Variants in ZNF747 observed in about 807,000 individuals in gnomAD.
ZNF747 encodes KRAB domain-containing protein ZNF747.
In ZNF747, 14 loss-of-function variants were observed where a neutral mutation model predicts 13.4. That is an observed-to-expected ratio of 1.04 (90% CI 0.69 to 1.63). The LOEUF is 1.63. ZNF747 is among the 40% of genes most tolerant of loss of function. The pLI is 0.00. For missense variants in ZNF747, 532 were observed against 477.9 expected (o/e 1.11, Z -1.05); for synonymous variants, 212 against 206.5 (o/e 1.03, Z -0.23).
intron 2 of ZNF747, among the ~76,000 whole-genome samples, chr16:30,533,710 G>A (rs1567503158): frequency 1.3e-5 from 2 of 149,892 alleles, no homozygotes; most frequent in East Asian, 1.9e-4. Flanking sequence ...ACCAGCTCGG[G>A]CAACACACCA....
Position 30,531,605 on chromosome 16 carries a change from T to A in ZNF747, c.*894A>T, listed in dbSNP as rs1361637675. 1.3e-5 allele frequency: 2 copies of A among 151,900 alleles called. No individual in the cohort carries two copies. The highest frequency in any genetic ancestry group is 1.3e-4 in the Admixed American group (2 of 15,226). The allele number at this position is 151,900 out of a possible 1,614,324, so 9.4% of individuals were successfully genotyped here. A position where few individuals can be genotyped will look rare whatever the true frequency, so the allele number is the denominator to read the frequency against. ...GAGTTTGAGACCAGCCTGATCAACA[T>A]AGTGGGAACCCCATCTCTGCAAAAA... On this transcript the variant is annotated 3_prime_UTR_variant, in exon 3 of 3. Transcript: ENST00000693075.
rs2151219823 is a variant in ZNF747 at position 30,534,569 on chromosome 16, C to T, written c.111G>A (p.Val37=). Residue 37 remains valine (V), a synonymous_variant, in exon 1 of 3, where the codon GTG becomes GTA. Transcript: ENST00000693075. ...AGSEWRKPGA[V]SFADVAVYFS... Reference sequence around the variant, plus strand: ...AGTACACGGCCACGTCGGCGAAGCTCACGGCCCCGGGCTTTCTCCACTCGG... The same window carrying T: ...AGTACACGGCCACGTCGGCGAAGCTTACGGCCCCGGGCTTTCTCCACTCGG... The T allele has an allele frequency of 1.9e-6, 3 of 1,605,450 alleles. No homozygotes were observed. Among genetic ancestry groups the T allele is most frequent in the African/African-American group, 1.3e-5 (1 of 74,902 alleles).
rs1464131506 is a variant in ZNF747, at chr16:30,532,247, C to A, written c.*252G>T. ...TCTCTGGGAGGAGAAACAGCTTTTG[C>A]TTCCCTGTATGGAGGTCTGGGGGGT... is the stretch of plus-strand genomic sequence containing the variant. On this transcript the variant is annotated 3_prime_UTR_variant, in exon 3 of 3. Coordinates refer to ENST00000693075, the MANE Select transcript of ZNF747 (RefSeq NM_001305018.2). 1 of 578,476 alleles carries A rather than the reference C, an allele frequency of 1.7e-6. No homozygotes were observed. Among genetic ancestry groups the A allele is most frequent in the African/African-American group, 1.9e-5 (1 of 53,536 alleles). The allele number at this position is 578,476 out of a possible 1,614,324, so 35.8% of individuals were successfully genotyped here.
Position 30,534,727 on chromosome 16 carries a change from A to C in ZNF747, c.-48T>G. ...TGCGGAACCTCCCGCGCCCGAGAAC[A>C]CTTCCCCGGCCCGGTACCAAGGGAA... is the stretch of plus-strand genomic sequence containing the variant. On this transcript the variant is annotated 5_prime_UTR_variant, in exon 1 of 3. Coordinates refer to ENST00000693075, the MANE Select transcript of ZNF747 (RefSeq NM_001305018.2). 2.7e-6 allele frequency: 4 copies of C among 1,472,028 alleles called. No individual in the cohort carries two copies. The highest frequency in any genetic ancestry group is 3.6e-6 in the Non-Finnish European group (4 of 1,114,002). The allele number at this position is 1,472,028 out of a possible 1,614,324, so 91.2% of individuals were successfully genotyped here.
chr16:30,530,668 A>C lies in ZNF747; in HGVS notation c.*1831T>G, dbSNP rs2051362296. On this transcript the variant is annotated 3_prime_UTR_variant, in exon 3 of 3. Transcript: ENST00000693075. The surrounding 1 kb of genome is among the most constrained non-coding windows in gnomAD (Gnocchi z 4.4). Reference sequence around the variant, plus strand: ...ATTGGATTGGAGATGAGGTTCGAATAAAGTCAGTTCATTACTTGACACCCG... The same window carrying C: ...ATTGGATTGGAGATGAGGTTCGAATCAAGTCAGTTCATTACTTGACACCCG... 1 of 152,264 alleles carries C rather than the reference A, an allele frequency of 6.6e-6. No individual in the cohort carries two copies. The highest frequency in any genetic ancestry group is 1.5e-5 in the Non-Finnish European group (1 of 68,052). The allele number at this position is 152,264 out of a possible 1,614,324, so 9.4% of individuals were successfully genotyped here.
chr16:30,534,590 C>T lies in ZNF747; in HGVS notation c.90G>A (p.Glu30=). 1.2e-6 allele frequency: 2 copies of T among 1,602,024 alleles called. No individual in the cohort carries two copies. The highest frequency in any genetic ancestry group is 1.7e-6 in the Non-Finnish European group (2 of 1,175,924). The change falls in exon 1 of 3, where the codon GAG becomes GAA. Residue 30 remains glutamate, a synonymous_variant. Coordinates refer to ENST00000693075, the MANE Select transcript of ZNF747 (RefSeq NM_001305018.2). ...AGCTCACGGCCCCGGGCTTTCTCCA[C>T]TCGGATCCCGCCCCGTTTGGGTCCC... ...PPRDPNGAGS[E]WRKPGAVSFA...
chr16:30,532,334 G>A lies in ZNF747; in HGVS notation c.*165C>T, dbSNP rs2051386490. 1 of 779,874 alleles carries A rather than the reference G, an allele frequency of 1.3e-6. No individual in the cohort carries two copies. The highest frequency in any genetic ancestry group is 2.0e-6 in the Non-Finnish European group (1 of 491,332). The allele number at this position is 779,874 out of a possible 1,614,324, so 48.3% of individuals were successfully genotyped here. On this transcript the variant is annotated 3_prime_UTR_variant, in exon 3 of 3. Coordinates refer to ENST00000693075, the MANE Select transcript of ZNF747 (RefSeq NM_001305018.2). ...GAGAGCCCAGGGCAGCGGGGAGCAA[G>A]GTGCTGGCAGAAGAGGCTGCTGAGA...
At position 30,534,454 on chromosome 16, in the gene ZNF747, G is replaced by C. The variant is rs775703336; in HGVS notation, c.226C>G (p.Leu76Val). 2 of 1,588,170 alleles carry C rather than the reference G, an allele frequency of 1.3e-6. No homozygotes were observed. Among genetic ancestry groups the C allele is most frequent in the South Asian group, 2.3e-5 (2 of 87,900 alleles). Residue 76 changes from leucine (L) to valine (V), a missense_variant, in exon 1 of 3, where the codon CTC (leucine) becomes GTC (valine). Physicochemically the swap from Leu to Val is conservative, Grantham distance 32. Coordinates refer to ENST00000693075, the MANE Select transcript of ZNF747 (RefSeq NM_001305018.2). ...MRETYGHLGA[L>V]GVGGSKPALI... The stretch of plus-strand genomic sequence containing the variant: ...GGCAAGCAGGTGGGGCTCTCACCGA[G>C]CGCGCCCAGGTGGCCGTAGGTCTCC...
In ZNF747 at chr16:30,531,050, A is replaced by G. The variant is rs1254372266; in HGVS notation, c.*1449T>C. ...TAGCCCCCTCTGCCCATGATGGCAC[A>G]TACTTAAAGACAGCAAAGATGGTGC... On this transcript the variant is annotated 3_prime_UTR_variant, in exon 3 of 3. Coordinates refer to ENST00000693075, the MANE Select transcript of ZNF747 (RefSeq NM_001305018.2). 1 of 152,306 alleles carries G rather than the reference A, an allele frequency of 6.6e-6. No individual in the cohort carries two copies. The highest frequency in any genetic ancestry group is 2.4e-5 in the African/African-American group (1 of 41,468). The allele number at this position is 152,306 out of a possible 1,614,324, so 9.4% of individuals were successfully genotyped here. A position where few individuals can be genotyped will look rare whatever the true frequency, so the allele number is the denominator to read the frequency against.
In ZNF747 at chr16:30,534,451, C is replaced by T. The variant is rs1325451217; in HGVS notation, c.229G>A (p.Gly77Arg). 1.3e-6 allele frequency: 2 copies of T among 1,586,006 alleles called. No homozygotes were observed. The highest frequency in any genetic ancestry group is 2.3e-5 in the East Asian group (1 of 43,074). Reference protein sequence around the residue: ...RETYGHLGALGVGGSKPALIS... With the variant: ...RETYGHLGALRVGGSKPALIS... ...CCAGGCAAGCAGGTGGGGCTCTCAC[C>T]GAGCGCGCCCAGGTGGCCGTAGGTC... is the stretch of plus-strand genomic sequence containing the variant. Residue 77 changes from glycine (G) to arginine (R), a missense_variant and splice_region_variant, in exon 1 of 3, where the codon GGA becomes AGA. Coordinates refer to ENST00000693075, the MANE Select transcript of ZNF747 (RefSeq NM_001305018.2).
In ZNF747 at chr16:30,532,271, G is replaced by T. The variant is rs1036796302; in HGVS notation, c.*228C>A. 9.9e-6 allele frequency: 6 copies of T among 605,856 alleles called. No individual in the cohort carries two copies. The highest frequency in any genetic ancestry group is 1.9e-5 in the African/African-American group (1 of 53,914). 37.5% of individuals were successfully genotyped at this position (605,856 alleles called of 1,614,324 possible). A position where few individuals can be genotyped will look rare whatever the true frequency, so the allele number is the denominator to read the frequency against. Reference sequence around the variant, plus strand: ...GCTTCCCTGTATGGAGGTCTGGGGGGTTCTCACCTCAGCCCTGCCTCAGCA... The same window carrying T: ...GCTTCCCTGTATGGAGGTCTGGGGGTTTCTCACCTCAGCCCTGCCTCAGCA... On this transcript the variant is annotated 3_prime_UTR_variant, in exon 3 of 3. Coordinates refer to ENST00000693075, the MANE Select transcript of ZNF747 (RefSeq NM_001305018.2).
intron 2 of ZNF747, 88 bp from the exon 3 acceptor site, chr16:30,533,239 A>G: frequency 6.5e-7 from 1 of 1,541,938 alleles, no homozygotes; most frequent in South Asian, 1.2e-5. Context: ...GGCCTGCTGG[A>G]CCCCCGACTG....
Position 30,532,565 on chromosome 16 carries a change from G to T in ZNF747, c.930C>A (p.Val310=), listed in dbSNP as rs769262637. Residue 310 remains valine, a synonymous_variant, in exon 3 of 3, where the codon GTC becomes GTA. Coordinates refer to ENST00000693075, the MANE Select transcript of ZNF747 (RefSeq NM_001305018.2). ...CCACAGGCGGGTCCAGGTCCCCGCG[G>T]ACAGGAGTCAGGGTCACAGACAGCC... ...PGGLSVTLTP[V]RGDLDPPVGF... is the part of the protein sequence containing the mutation. The T allele has an allele frequency of 1.9e-6, 3 of 1,583,418 alleles. No individual in the cohort carries two copies. The African/African-American group carries it at 4.0e-5, about 21-fold the overall frequency.
rs2051375947 is a variant in ZNF747, at chr16:30,531,614, C to A, written c.*885G>T. ...ACCAGCCTGATCAACATAGTGGGAA[C>A]CCCATCTCTGCAAAAAAATTTAAAA... On this transcript the variant is annotated 3_prime_UTR_variant, in exon 3 of 3. Transcript: ENST00000693075. The A allele has an allele frequency of 6.6e-6, 1 of 151,862 alleles. No homozygotes were observed. Among genetic ancestry groups the A allele is most frequent in the Non-Finnish European group, 1.5e-5 (1 of 67,994 alleles). 9.4% of individuals were successfully genotyped at this position (151,862 alleles called of 1,614,324 possible).
Position 30,532,543 on chromosome 16 carries a change from C to T in ZNF747, c.952G>A (p.Val318Met). 1 of 1,596,078 alleles carries T rather than the reference C, an allele frequency of 6.3e-7. No homozygotes were observed. The highest frequency in any genetic ancestry group is 8.5e-7 in the Non-Finnish European group (1 of 1,173,010). Residue 318 changes from valine (V) to methionine (M), a missense_variant, in exon 3 of 3, where the codon GTG becomes ATG. Physicochemically the swap from Val to Met is conservative, Grantham distance 21. Coordinates refer to ENST00000693075, the MANE Select transcript of ZNF747 (RefSeq NM_001305018.2). ...ATCTCTGGATACAGCTGGAAGCCCA[C>T]AGGCGGGTCCAGGTCCCCGCGGACA... ...TPVRGDLDPPVGFQLYPEIFQ... is the reference protein window; with the variant it reads ...TPVRGDLDPPMGFQLYPEIFQ...
rs1597121905 is a variant in ZNF747, at chr16:30,532,225, C to A, written c.*274G>T. 1.8e-6 allele frequency: 1 copy of A among 567,150 alleles called. No individual in the cohort carries two copies. The highest frequency in any genetic ancestry group is 2.2e-5 in the South Asian group (1 of 45,232). The allele number at this position is 567,150 out of a possible 1,614,324, so 35.1% of individuals were successfully genotyped here. ...CTCTACCTCAATCCTCTTAGCATCT[C>A]TGGGAGGAGAAACAGCTTTTGCTTC... is the stretch of plus-strand genomic sequence containing the variant. On this transcript the variant is annotated 3_prime_UTR_variant, in exon 3 of 3. Coordinates refer to ENST00000693075, the MANE Select transcript of ZNF747 (RefSeq NM_001305018.2).
In ZNF747 at chr16:30,532,989, A is replaced by C; in HGVS notation, c.506T>G (p.Phe169Cys). 1.9e-6 allele frequency: 3 copies of C among 1,608,706 alleles called. No homozygotes were observed. Among genetic ancestry groups the C allele is most frequent in the Non-Finnish European group, 2.5e-6 (3 of 1,178,964 alleles). ...SKARRRSRPR[F>C]FAHPPVPRAD... ...TCGGGGGACAGGGGGGTGGGCAAAA[A>C]AGCGGGGGCGACTCCGGCGCCGGGC... is the stretch of plus-strand genomic sequence containing the variant. The change falls in exon 3 of 3, where the codon TTT (phenylalanine) becomes TGT (cysteine). Residue 169 changes from phenylalanine (F) to cysteine (C), a missense_variant. Coordinates refer to ENST00000693075, the MANE Select transcript of ZNF747 (RefSeq NM_001305018.2).
In ZNF747 at chr16:30,532,833, T is replaced by C. The variant is rs553469061; in HGVS notation, c.662A>G (p.His221Arg). ...CCGGTGTTTGCTCAGGGAGGAAGCG[T>C]GGCCGAAGCCCTTGCCGCAGTCTGC... The part of the protein sequence containing the change: ...HCADCGKGFG[H>R]ASSLSKHRAI... Residue 221 changes from histidine (H) to arginine (R), a missense_variant, in exon 3 of 3, where the codon CAC (histidine) becomes CGC (arginine). Transcript: ENST00000693075. 4.9e-4 allele frequency: 768 copies of C among 1,579,972 alleles called. 10 individuals carry two copies. The highest frequency in any genetic ancestry group is 9.4e-5 in the Non-Finnish European group (109 of 1,165,760).
rs1361637675 is a variant in ZNF747, at chr16:30,531,605, T to C, written c.*894A>G. On this transcript the variant is annotated 3_prime_UTR_variant, in exon 3 of 3. Coordinates refer to ENST00000693075, the MANE Select transcript of ZNF747 (RefSeq NM_001305018.2). ...GAGTTTGAGACCAGCCTGATCAACA[T>C]AGTGGGAACCCCATCTCTGCAAAAA... 6.6e-6 allele frequency: 1 copy of C among 151,900 alleles called. No homozygotes were observed. The highest frequency in any genetic ancestry group is 2.4e-5 in the African/African-American group (1 of 41,326). 9.4% of individuals were successfully genotyped at this position (151,900 alleles called of 1,614,324 possible).
Sources: allele counts gnomAD v4.1 joint callset (sites outside exome capture counted in the v4.1 genomes callset), GRCh38; gene constraint gnomAD v4.1.1; non-coding constraint Gnocchi (gnomAD v3.1); transcripts MANE v1.5; gene names NCBI Gene and HGNC (gene_info 2026-07-23, HGNC 2026-07-21).